PRR16: variants seen among roughly 807,000 people sequenced by gnomAD.
The protein encoded by PRR16 is protein Largen.
In PRR16, 6 loss-of-function variants were observed where a neutral mutation model predicts 18.2. The observed-to-expected ratio is 0.33, with a 90% CI of 0.18 to 0.65. PRR16 has a LOEUF of 0.65. PRR16 is among the 30% of genes least tolerant of loss of function. The pLI, the probability that PRR16 is intolerant of heterozygous loss-of-function variation, is 0.74. For synonymous variants in PRR16, 151 were observed against 147.8 expected (o/e 1.02, Z -0.16); for missense variants, 412 against 376.6 (o/e 1.09, Z -0.78).
intron 1 of PRR16, among the ~76,000 whole-genome samples, chr5:120,651,194 A>G (rs1196141805): frequency 6.6e-6 from 1 of 151,858 alleles, no homozygotes; most frequent in African/African-American, 2.4e-5. Context: ...TTTCTTGTCA[A>G]TTTGTTTGAG....
At chr5:120,690,574 A>T (rs920169736), downstream of PRR16, among the ~76,000 whole-genome samples, 15 of 152,208 alleles carry the variant, frequency 9.9e-5, no homozygotes, top group Admixed American at 5.2e-4. Flanking sequence ...CCATATCACG[A>T]AAGTAGATAA....
chr5:120,749,085 T>A, the PRR16 span, among the ~76,000 whole-genome samples: 1 of 152,104 alleles, frequency 6.6e-6, no homozygotes, highest in Non-Finnish European at 1.5e-5. Context: ...TAATTATAGA[T>A]AACATGTAAT....
intron 1 of PRR16, among the ~76,000 whole-genome samples, chr5:120,583,079 C>T (rs185206499): frequency 9.2e-5 from 14 of 152,310 alleles, no homozygotes; most frequent in Non-Finnish European, 1.6e-4. Context: ...GCCTGGGCTA[C>T]CTTACAATAT....
chr5:120,705,959 A>G, the PRR16 span, among the ~76,000 whole-genome samples: 2 of 152,194 alleles, frequency 1.3e-5, no homozygotes, highest in Non-Finnish European at 2.9e-5. Context: ...ACCTTTGAAA[A>G]AACATATTTA....
chr5:120,576,310 A>G (rs1413168980), intron 1 of PRR16, among the ~76,000 whole-genome samples: 2 of 152,204 alleles, frequency 1.3e-5, no homozygotes, highest in African/African-American at 4.8e-5. Flanking sequence ...CTCAGTAACA[A>G]CAACAACAAT....
At chr5:120,561,256 A>T (rs1323870146) in intron 1 of PRR16, among the ~76,000 whole-genome samples, 3 of 151,948 alleles carry the variant, frequency 2.0e-5, no homozygotes, top group African/African-American at 7.2e-5. Context: ...CCTTATAGCT[A>T]TAAATTTTTC....
intron 1 of PRR16, among the ~76,000 whole-genome samples, chr5:120,576,640 C>T (rs1366538989): frequency 6.6e-6 from 1 of 152,126 alleles, no homozygotes; most frequent in South Asian, 2.1e-4. Context: ...TCACAAGGGA[C>T]TCCTGCCTGG....
intron 1 of PRR16, among the ~76,000 whole-genome samples, chr5:120,569,178 T>G (rs146209741): frequency 5.3e-5 from 8 of 152,296 alleles, no homozygotes; most frequent in Admixed American, 2.0e-4. Flanking sequence ...TGTATACTCA[T>G]GACAGACTTT....
At chr5:120,749,322 TATATC>T in the PRR16 span, among the ~76,000 whole-genome samples, 1 of 152,118 alleles carries the variant, frequency 6.6e-6, no homozygotes, top group Non-Finnish European at 1.5e-5. Flanking sequence ...AACTTGAAAT[TATATC>T]AAGTAAGACA....
intron 1 of PRR16, among the ~76,000 whole-genome samples, chr5:120,654,869 G>A (rs972494124): frequency 6.6e-6 from 1 of 151,712 alleles, no homozygotes; most frequent in Admixed American, 6.6e-5. Flanking sequence ...AACATTGTAG[G>A]AACAACCCAG....
intron 1 of PRR16, among the ~76,000 whole-genome samples, chr5:120,467,463 G>C (rs1191719549): frequency 6.6e-6 from 1 of 151,748 alleles, no homozygotes; most frequent in African/African-American, 2.4e-5. Flanking sequence ...TCTGTTCTTT[G>C]TTTTTGTGTA....
At position 120,686,656 on chromosome 5, in the gene PRR16, G is replaced by A; in HGVS notation, c.862G>A (p.Ala288Thr). ...IRPATVPPPT[A>T]PKPQKTILRK... ...ACCTGCAACTGTGCCTCCTCCCACTGCACCAAAACCACAGAAGACGATCTT... is the reference window on the plus strand; with the variant it reads ...ACCTGCAACTGTGCCTCCTCCCACTACACCAAAACCACAGAAGACGATCTT... The change falls in exon 2 of 2, where the codon GCA becomes ACA. Residue 288 changes from alanine (A) to threonine (T), a missense_variant. Physicochemically the swap from Ala to Thr is moderately conservative, Grantham distance 58. Coordinates refer to ENST00000407149, the MANE Select transcript of PRR16 (RefSeq NM_001300783.2). The A allele has an allele frequency of 6.3e-7, 1 of 1,583,884 alleles. No homozygotes were observed. The highest frequency in any genetic ancestry group is 8.6e-7 in the Non-Finnish European group (1 of 1,162,918).
the PRR16 span, among the ~76,000 whole-genome samples, chr5:120,741,393 C>T: frequency 2.3e-4 from 35 of 152,158 alleles, 1 homozygote; most frequent in East Asian, 3.1e-3. Context: ...ACTTATGCAA[C>T]CATATCTATC....
chr5:120,469,156 A>G (rs940517815), intron 1 of PRR16, among the ~76,000 whole-genome samples: 3 of 152,212 alleles, frequency 2.0e-5, no homozygotes, highest in South Asian at 4.1e-4. Flanking sequence ...AGAATTAACA[A>G]TTATCTGAAA....
intron 1 of PRR16, among the ~76,000 whole-genome samples, chr5:120,561,971 A>T (rs1451425211): frequency 6.6e-6 from 1 of 152,164 alleles, no homozygotes; most frequent in African/African-American, 2.4e-5. Context: ...AGAACAGACT[A>T]ATATAATATA....
At chr5:120,505,750 A>G (rs71586489) in intron 1 of PRR16, among the ~76,000 whole-genome samples, 1 of 143,960 alleles carries the variant, frequency 6.9e-6, no homozygotes, top group Admixed American at 6.8e-5. Flanking sequence ...AAGCTATAAA[A>G]CAAATAAATT....
chr5:120,787,816 T>TA, the PRR16 span, among the ~76,000 whole-genome samples: 2 of 152,084 alleles, frequency 1.3e-5, no homozygotes, highest in African/African-American at 4.8e-5. Context: ...GGCACGCTCC[T>TA]CATCAAAATT....
chr5:120,557,845 A>C (rs1752463944), intron 1 of PRR16, among the ~76,000 whole-genome samples: 1 of 152,030 alleles, frequency 6.6e-6, no homozygotes, highest in African/African-American at 2.4e-5. Context: ...CTGAAAAATC[A>C]TTTTGGAACT....
intron 1 of PRR16, among the ~76,000 whole-genome samples, chr5:120,520,458 A>G (rs1751137439): frequency 6.6e-6 from 1 of 152,204 alleles, no homozygotes; most frequent in Non-Finnish European, 1.5e-5. Context: ...AATTATAGTA[A>G]AATCAGAATA....
Sources: allele counts gnomAD v4.1 joint callset (sites outside exome capture counted in the v4.1 genomes callset), GRCh38; gene constraint gnomAD v4.1.1; transcripts MANE v1.5; gene names NCBI Gene and HGNC (gene_info 2026-07-23, HGNC 2026-07-21).